ELP3: variants seen among roughly 807,000 people sequenced by gnomAD.
ELP3 encodes the protein elongator acetyltransferase complex subunit 3.
Under a neutral mutation model 74.9 loss-of-function variants are expected in ELP3, and 56 were observed. That is an observed-to-expected ratio of 0.75 (90% confidence interval 0.60 to 0.93). ELP3 has a LOEUF of 0.93. Ranked by LOEUF, ELP3 falls within the 40% of genes least tolerant of loss-of-function variation. The pLI is 0.00. For missense variants in ELP3, 573 were observed against 686.5 expected (o/e 0.83, Z 1.85); for synonymous variants, 222 against 239.8 (o/e 0.93, Z 0.68).
intron 6 of ELP3, 127 bp downstream of exon 6, chr8:28,110,565 C>A: frequency 1.3e-6 from 1 of 792,264 alleles, no homozygotes. Context: ...TGTAAGTTTT[C>A]AATATCCATT....
chr8:28,110,249 CG>C, intron 5 of ELP3, 120 bp from the exon 6 acceptor site: 3 of 825,844 alleles, frequency 3.6e-6, no homozygotes, highest in South Asian at 1.5e-5. Context: ...AAAATTAATG[CG>C]GGTACAAGCC....
chr8:28,093,219 G>A lies in ELP3; in HGVS notation c.5G>A (p.Arg2Lys), dbSNP rs199785945. The A allele has an allele frequency of 1.2e-4, 192 of 1,613,290 alleles. No homozygotes were observed. The African/African-American group carries it at 2.3e-3, about 19-fold the overall frequency. ...CTCTGCTACGGCGGCGCAGAAATGA[G>A]GCAGAAGCGGAAAGGTGCGAAAGGG... The part of the protein sequence containing the change: M[R>K]QKRKGDLSPA... Residue 2 changes from arginine to lysine, a missense_variant, in exon 1 of 15, where the codon AGG becomes AAG. By Grantham distance (26) the Arg-to-Lys change is conservative. Coordinates refer to ENST00000256398, the MANE Select transcript of ELP3 (RefSeq NM_018091.6).
rs1815442065 is a variant in ELP3, at chr8:28,191,031, GGA to G, written c.*1310_*1311del. On this transcript the variant is annotated 3_prime_UTR_variant, in exon 15 of 15. Coordinates refer to ENST00000256398, the MANE Select transcript of ELP3 (RefSeq NM_018091.6). ...GTAATCTACTTTGGAGACTCTGCCT[GGA>G]GAGGGTCAGTTCCTAAGTTAAAAGC... The G allele has an allele frequency of 6.6e-6, 1 of 152,228 alleles. No homozygotes were observed. The highest frequency in any genetic ancestry group is 6.5e-5 in the Admixed American group (1 of 15,286). The allele number at this position is 152,228 out of a possible 1,614,324, so 9.4% of individuals were successfully genotyped here.
intron 7 of ELP3, among the ~76,000 whole-genome samples, chr8:28,125,637 G>T (rs538534426): frequency 1.3e-5 from 2 of 152,056 alleles, no homozygotes; most frequent in South Asian, 4.1e-4. Flanking sequence ...AGTAATAATA[G>T]ATAGTGCTTC....
chr8:28,125,225 C>T (rs970909736), intron 7 of ELP3, among the ~76,000 whole-genome samples: 6 of 152,078 alleles, frequency 3.9e-5, no homozygotes, highest in Non-Finnish European at 7.4e-5. Context: ...GTTTTGGGAC[C>T]GTAGATGGAG....
chr8:28,133,696 A>T (rs923441566), intron 9 of ELP3, among the ~76,000 whole-genome samples: 1 of 152,194 alleles, frequency 6.6e-6, no homozygotes, highest in Non-Finnish European at 1.5e-5. Context: ...AGAAAAATGC[A>T]GTTTACCATG....
chr8:28,162,710 A>G (rs1814153520), intron 14 of ELP3, among the ~76,000 whole-genome samples: 1 of 152,230 alleles, frequency 6.6e-6, no homozygotes, highest in South Asian at 2.1e-4. Flanking sequence ...ATAAGGAAAT[A>G]AAGACCCAAA....
intron 10 of ELP3, among the ~76,000 whole-genome samples, chr8:28,139,344 G>GA: frequency 6.6e-6 from 1 of 152,130 alleles, no homozygotes; most frequent in Admixed American, 6.5e-5. Context: ...TGAAAAAGGA[G>GA]AAAATTAGTG....
At chr8:28,139,357 A>G (rs1383989959) in intron 10 of ELP3, among the ~76,000 whole-genome samples, 1 of 152,160 alleles carries the variant, frequency 6.6e-6, no homozygotes, top group Non-Finnish European at 1.5e-5. Context: ...AATTAGTGTG[A>G]GCACTGTGGT....
intron 10 of ELP3, among the ~76,000 whole-genome samples, chr8:28,150,979 T>C (rs904205434): frequency 3.3e-5 from 5 of 152,148 alleles, no homozygotes; most frequent in African/African-American, 1.2e-4. Flanking sequence ...CTCATTATGT[T>C]GTCTAGGCTG....
At chr8:28,149,906 T>C (rs1813576243) in intron 10 of ELP3, among the ~76,000 whole-genome samples, 1 of 152,200 alleles carries the variant, frequency 6.6e-6, no homozygotes, top group Non-Finnish European at 1.5e-5. Context: ...CATTATGTAT[T>C]ATTCCATTTT....
intron 14 of ELP3, among the ~76,000 whole-genome samples, chr8:28,172,409 A>G (rs993886114): frequency 6.6e-6 from 1 of 152,010 alleles, no homozygotes; most frequent in Non-Finnish European, 1.5e-5. Flanking sequence ...TTTTGATGCT[A>G]TTGTGAGATT....
intron 3 of ELP3, among the ~76,000 whole-genome samples, chr8:28,106,403 A>G (rs1319519573): frequency 2.0e-5 from 3 of 151,076 alleles, no homozygotes; most frequent in Non-Finnish European, 3.0e-5. Context: ...AGCCGGGCGT[A>G]GTGGCGGGCG....
intron 2 of ELP3, among the ~76,000 whole-genome samples, chr8:28,099,052 G>T (rs1463596296): frequency 6.6e-6 from 1 of 152,226 alleles, no homozygotes; most frequent in Non-Finnish European, 1.5e-5. Context: ...GAACATAGCA[G>T]GTATTCAGGC....
intron 10 of ELP3, among the ~76,000 whole-genome samples, chr8:28,145,559 A>G (rs1453230133): frequency 3.3e-5 from 5 of 152,226 alleles, no homozygotes; most frequent in African/African-American, 7.2e-5. Flanking sequence ...GCTTCCACCA[A>G]TTATAGGCAA....
intron 7 of ELP3, among the ~76,000 whole-genome samples, chr8:28,121,599 T>C (rs7002651): frequency 0.58 from 88,208 of 151,894 alleles, 27,420 homozygotes; most frequent in East Asian, 0.92. Flanking sequence ...GGATTACAGG[T>C]GTGAGCCACC....
Position 28,162,083 on chromosome 8 carries a change from CTG to C in ELP3, c.1567+6_1567+7del, listed in dbSNP as rs1814118474. ...GGAAAATCGCTGTGATATCAGGTAA[CTG>C]GGGGAGGGCGAAGTTCATGATTCCT... On this transcript the variant is annotated splice_donor_region_variant and intron_variant, in intron 14 of 14. Transcript: ENST00000256398. 1 of 1,613,996 alleles carries C rather than the reference CTG, an allele frequency of 6.2e-7. No individual in the cohort carries two copies. Among genetic ancestry groups the C allele is most frequent in the East Asian group, 2.2e-5 (1 of 44,884 alleles).
At chr8:28,118,225 G>A (rs1369161676) in intron 7 of ELP3, among the ~76,000 whole-genome samples, 1 of 152,150 alleles carries the variant, frequency 6.6e-6, no homozygotes, top group Non-Finnish European at 1.5e-5. Context: ...CAGCATTTAA[G>A]GTTAATAGTC....
intron 10 of ELP3, among the ~76,000 whole-genome samples, chr8:28,153,753 C>G (rs1033855064): frequency 6.6e-6 from 1 of 152,136 alleles, no homozygotes; most frequent in South Asian, 2.1e-4. Context: ...TCTTAAAAAC[C>G]GTGTTTTCTA....
Sources: allele counts gnomAD v4.1 joint callset (sites outside exome capture counted in the v4.1 genomes callset), GRCh38; gene constraint gnomAD v4.1.1; transcripts MANE v1.5; gene names NCBI Gene and HGNC (gene_info 2026-07-23, HGNC 2026-07-21).